BCORL1: variants seen among roughly 807,000 people sequenced by gnomAD.
BCORL1 encodes the protein BCL-6 corepressor-like protein 1.
BCORL1 carries 7 observed loss-of-function variants against 87.6 expected under a neutral mutation model. That is an observed-to-expected ratio of 0.08 (90% confidence interval 0.05 to 0.15). BCORL1 has a LOEUF of 0.15. Ranked by LOEUF, BCORL1 falls within the 10% of genes least tolerant of loss-of-function variation. BCORL1 has a pLI of 1.00. For missense variants in BCORL1, 1,215 were observed against 1,499.7 expected, an observed-to-expected ratio of 0.81 and a Z score of 3.13; for synonymous variants, 591 against 634.4, an observed-to-expected ratio of 0.93 and a Z score of 1.03.
chrX:130,040,612 C>T (rs770620164), intron 11 of BCORL1, among the ~76,000 whole-genome samples: 1 of 112,431 alleles, frequency 8.9e-6, no homozygotes, highest in East Asian at 2.8e-4. Context: ...GGTTCCCAAG[C>T]CCCTGTCCTT....
chrX:130,035,414 A>G (rs1172549595), intron 9 of BCORL1, among the ~76,000 whole-genome samples: 4 of 112,232 alleles, frequency 3.6e-5, no homozygotes, highest in Non-Finnish European at 7.5e-5. Flanking sequence ...GGACGTTTCC[A>G]TTGTTCCCCA....
intron 11 of BCORL1, among the ~76,000 whole-genome samples, chrX:130,049,898 G>C (rs1489667720): frequency 9.0e-6 from 1 of 110,881 alleles, no homozygotes; most frequent in African/African-American, 3.3e-5. Context: ...TCTGCTTGCA[G>C]GGTTAAAGCT....
At chrX:129,990,646 G>T (rs1278104779) in intron 1 of BCORL1, among the ~76,000 whole-genome samples, 1 of 111,814 alleles carries the variant, frequency 8.9e-6, no homozygotes, top group Non-Finnish European at 1.9e-5. Flanking sequence ...CTTATATCTT[G>T]ATTCTCTGTC....
chrX:130,047,964 C>G (rs1042586375), intron 11 of BCORL1, among the ~76,000 whole-genome samples: 1 of 111,622 alleles, frequency 9.0e-6, no homozygotes, highest in Non-Finnish European at 1.9e-5. Context: ...TACTTCCAAC[C>G]CTCAAGTGAC....
intron 11 of BCORL1, among the ~76,000 whole-genome samples, chrX:130,045,596 G>T (rs764909351): frequency 9.1e-6 from 1 of 110,158 alleles, no homozygotes; most frequent in East Asian, 2.8e-4. Context: ...AGGCCTGAGG[G>T]TGCTTTTTAT....
chrX:130,052,244 G>A (rs1932120000), intron 13 of BCORL1, among the ~76,000 whole-genome samples: 1 of 112,641 alleles, frequency 8.9e-6, no homozygotes, highest in African/African-American at 3.2e-5. Context: ...TTCTCTCTCG[G>A]AAGGCTTTTT....
intron 1 of BCORL1, among the ~76,000 whole-genome samples, chrX:129,990,466 C>T (rs182099179): frequency 0.01 from 1,102 of 108,663 alleles, 16 homozygotes; most frequent in African/African-American, 0.034. Context: ...CTCCTCACCT[C>T]GTGATCCGCC....
chrX:130,035,185 T>C (rs1930863935), intron 9 of BCORL1, among the ~76,000 whole-genome samples: 1 of 112,283 alleles, frequency 8.9e-6, no homozygotes, highest in South Asian at 3.6e-4. Context: ...GTGAAGAGCC[T>C]GATTACTTTG....
chrX:130,015,827 A>G lies in BCORL1; in HGVS notation c.3055A>G (p.Lys1019Glu). The G allele has an allele frequency of 8.3e-7, 1 of 1,211,811 alleles. No homozygotes were observed. Among genetic ancestry groups the G allele is most frequent in the Non-Finnish European group, 1.1e-6 (1 of 895,513 alleles). Residue 1019 changes from lysine (K) to glutamate (E), a missense_variant, in exon 4 of 14, where the codon AAG (lysine) becomes GAG (glutamate). Coordinates refer to ENST00000540052, the MANE Select transcript of BCORL1 (RefSeq NM_001379451.1). ...LPLLPHDSHPKELILDVVPSS... is the reference protein window; with the variant it reads ...LPLLPHDSHPEELILDVVPSS... ...TTTGCTACCTCACGACAGCCACCCC[A>G]AGGAACTTATATTGGACGTGGTTCC...
At chrX:129,999,297 CTTTTTT>C (rs1213156086) in intron 1 of BCORL1, among the ~76,000 whole-genome samples, 1 of 39,091 alleles carries the variant, frequency 2.6e-5, no homozygotes, top group Non-Finnish European at 4.5e-5. Flanking sequence ...TGAAACACAT[CTTTTTT>C]TTTTTTTTTT....
intron 1 of BCORL1, among the ~76,000 whole-genome samples, chrX:129,993,885 A>G (rs1490174947): frequency 2.7e-5 from 3 of 110,185 alleles, no homozygotes; most frequent in African/African-American, 6.6e-5. Flanking sequence ...CCCAGGTCCA[A>G]GCGATTCTGC....
At chrX:130,048,605 G>C (rs781154721) in intron 11 of BCORL1, among the ~76,000 whole-genome samples, 3 of 112,010 alleles carry the variant, frequency 2.7e-5, no homozygotes, top group Non-Finnish European at 3.8e-5. Context: ...CATTTGTCTT[G>C]TCTTGTCTGT....
chrX:130,025,828 G>A (rs995093850), intron 7 of BCORL1, among the ~76,000 whole-genome samples: 9 of 110,516 alleles, frequency 8.1e-5, no homozygotes, highest in South Asian at 3.8e-4. Flanking sequence ...AAGTACAGTG[G>A]GTTCTTCAAA....
chrX:130,052,837 C>T (rs1229192320), intron 13 of BCORL1, among the ~76,000 whole-genome samples: 1 of 112,497 alleles, frequency 8.9e-6, no homozygotes, highest in African/African-American at 3.2e-5. Flanking sequence ...TTTAAAATGT[C>T]AACTCTATGT....
chrX:130,057,826 G>A lies in BCORL1; in HGVS notation c.*1690G>A, dbSNP rs1200814798. On this transcript the variant is annotated 3_prime_UTR_variant, in exon 14 of 14. Transcript: ENST00000540052. Reference sequence around the variant, plus strand: ...CCCACCCCCACCATACTGCCCAGTTGGTTTTGAACAGTTGTTTTCCCTTTT... The same window carrying A: ...CCCACCCCCACCATACTGCCCAGTTAGTTTTGAACAGTTGTTTTCCCTTTT... 1 of 105,228 alleles carries A rather than the reference G, an allele frequency of 9.5e-6. No homozygotes were observed. Among genetic ancestry groups the A allele is most frequent in the Non-Finnish European group, 1.9e-5 (1 of 51,500 alleles). 8.7% of individuals were successfully genotyped at this position (105,228 alleles called of 1,213,427 possible). A position where few individuals can be genotyped will look rare whatever the true frequency, so the allele number is the denominator to read the frequency against.
At chrX:129,992,323 G>A (rs1275859547) in intron 1 of BCORL1, among the ~76,000 whole-genome samples, 1 of 111,057 alleles carries the variant, frequency 9.0e-6, no homozygotes, top group Non-Finnish European at 1.9e-5. Flanking sequence ...GTGGTGGCAT[G>A]TGTCTATAGT....
intron 1 of BCORL1, among the ~76,000 whole-genome samples, chrX:130,003,331 G>A (rs1306995860): frequency 9.4e-6 from 1 of 106,478 alleles, no homozygotes; most frequent in Non-Finnish European, 1.9e-5. Context: ...AGTCTGTGTT[G>A]TATTATCTCC....
chrX:130,050,708 T>C lies in BCORL1; in HGVS notation c.4841-9T>C. On this transcript the variant is annotated splice_polypyrimidine_tract_variant and intron_variant, in intron 11 of 13. Transcript: ENST00000540052. ...CTCCTTGTCTCACTGCCTGCTCTTC[T>C]TTCATCAGATCACCTCTCGGATCTT... is the stretch of plus-strand genomic sequence containing the variant. The C allele has an allele frequency of 8.3e-7, 1 of 1,209,867 alleles. No homozygotes were observed. The highest frequency in any genetic ancestry group is 3.0e-5 in the East Asian group (1 of 33,825).
intron 1 of BCORL1, among the ~76,000 whole-genome samples, chrX:129,995,984 A>G (rs1371978611): frequency 9.0e-6 from 1 of 111,250 alleles, no homozygotes; most frequent in Non-Finnish European, 1.9e-5. Flanking sequence ...CTTCACTCTA[A>G]AAGACTTCTG....
Sources: allele counts gnomAD v4.1 joint callset (sites outside exome capture counted in the v4.1 genomes callset), GRCh38; gene constraint gnomAD v4.1.1; transcripts MANE v1.5; gene names NCBI Gene and HGNC (gene_info 2026-07-23, HGNC 2026-07-21).